The following CHST10 variants were observed in gnomAD, a reference collection of about 807,000 sequenced individuals.
CHST10 encodes carbohydrate sulfotransferase 10.
CHST10 carries 24 observed loss-of-function variants against 34.7 expected under a neutral mutation model. The ratio of observed to expected loss-of-function variants is 0.69; its 90% CI spans 0.50 to 0.97. The LOEUF (loss-of-function observed/expected upper bound fraction) is 0.97. CHST10 is among the 50% of genes least tolerant of loss of function. The probability of loss-of-function intolerance (pLI) is 0.00; values close to 1 mark genes in which losing one functional copy is unlikely to be tolerated. For missense variants in CHST10, 402 were observed against 452.1 expected, an observed-to-expected ratio of 0.89 and a Z score of 1.00; for synonymous variants, 161 against 169.3, an observed-to-expected ratio of 0.95 and a Z score of 0.38.
At chr2:100,404,462 G>A (rs1382483110) in intron 3 of CHST10, among the ~76,000 whole-genome samples, 5 of 152,144 alleles carry the variant, frequency 3.3e-5, no homozygotes, top group Admixed American at 1.3e-4. Flanking sequence ...TGTAAAATCC[G>A]AAAGCCCTTC....
At chr2:100,417,080 C>A in intron 1 of CHST10, 1 of 1,301,726 alleles carries the variant, frequency 7.7e-7, no homozygotes, top group Non-Finnish European at 1.0e-6. Context: ...TCTACAATTA[C>A]AAACGCAAAT....
intron 3 of CHST10, among the ~76,000 whole-genome samples, chr2:100,406,274 A>G (rs1675568693): frequency 6.6e-6 from 1 of 152,182 alleles, no homozygotes; most frequent in Non-Finnish European, 1.5e-5. Flanking sequence ...GCAAGGCATA[A>G]GGCCACTGTG....
chr2:100,407,858 C>T (rs946970657), intron 2 of CHST10: 1 of 152,236 alleles, frequency 6.6e-6, no homozygotes, highest in Non-Finnish European at 1.5e-5. Context: ...GTGTATAAGG[C>T]TTCGTGTGTT....
chr2:100,395,573 GCAC>G lies in CHST10; in HGVS notation c.466_468del (p.Val156del). 7 of 1,614,046 alleles carry G rather than the reference GCAC, an allele frequency of 4.3e-6. No homozygotes were observed. Among genetic ancestry groups the G allele is most frequent in the Non-Finnish European group, 5.1e-6 (6 of 1,179,936 alleles). On this transcript the variant is annotated inframe_deletion, in exon 6 of 7. Coordinates refer to ENST00000264249, the MANE Select transcript of CHST10 (RefSeq NM_004854.5). The stretch of plus-strand genomic sequence containing the variant: ...GGAAGGCCGTTCTTCTCGTGGTCGT[GCAC>G]CACGTTTTCGGGGATCTCCTCAATG...
At chr2:100,393,831 C>T in intron 6 of CHST10, 49 bp from the exon 7 acceptor site, 1 of 1,484,212 alleles carries the variant, frequency 6.7e-7, no homozygotes, top group South Asian at 1.2e-5. Context: ...CAGGAGGTCA[C>T]AGCTGAGGGG....
chr2:100,403,495 G>C (rs1299359346), intron 3 of CHST10, among the ~76,000 whole-genome samples: 1 of 152,158 alleles, frequency 6.6e-6, no homozygotes, highest in Non-Finnish European at 1.5e-5. Context: ...AACAGAAACT[G>C]TAACACTAAA....
rs35177621 is a variant in CHST10, at chr2:100,406,618, C to A, written c.58G>T (p.Val20Leu). 1.3e-3 allele frequency: 2,133 copies of A among 1,614,226 alleles called. 26 individuals are homozygous for A. In the African/African-American group the frequency reaches 0.026, roughly 19 times the overall value. ...GTCAACGTGATGAACTTGCTAGCCA[C>A]CATGAACATGAAAATCACCCAAAAG... Reference protein sequence around the residue: ...ACFWVIFMFMVASKFITLTFK... With the variant: ...ACFWVIFMFMLASKFITLTFK... The change falls in exon 3 of 7, where the codon GTG becomes TTG. Residue 20 changes from valine to leucine, a missense_variant. Val to Leu is a conservative substitution (Grantham distance 32). Coordinates refer to ENST00000264249, the MANE Select transcript of CHST10 (RefSeq NM_004854.5).
At chr2:100,406,819 T>C in intron 2 of CHST10, 112 bp from the exon 3 acceptor site, 2 of 1,350,112 alleles carry the variant, frequency 1.5e-6, no homozygotes, top group Non-Finnish European at 2.0e-6. Context: ...AATATTTCCG[T>C]TTTTTTCCAC....
At chr2:100,408,167 T>C (rs1255035955) in intron 2 of CHST10, 2 of 151,480 alleles carry the variant, frequency 1.3e-5, no homozygotes, top group African/African-American at 4.9e-5. Context: ...CATATACTTA[T>C]ACTAAAAAAA....
intron 4 of CHST10, among the ~76,000 whole-genome samples, chr2:100,401,785 T>C (rs1473195272): frequency 6.6e-6 from 1 of 152,212 alleles, no homozygotes; most frequent in Non-Finnish European, 1.5e-5. Context: ...TCTATGTTTA[T>C]TGAGTTCTAA....
chr2:100,405,014 A>G (rs1009865500), intron 3 of CHST10, among the ~76,000 whole-genome samples: 2 of 152,162 alleles, frequency 1.3e-5, no homozygotes, highest in African/African-American at 4.8e-5. Flanking sequence ...CTCAAGCAGC[A>G]GCAGGTCTGT....
In CHST10 at chr2:100,393,004, G is replaced by A; in HGVS notation, c.*241C>T. On this transcript the variant is annotated 3_prime_UTR_variant, in exon 7 of 7. Coordinates refer to ENST00000264249, the MANE Select transcript of CHST10 (RefSeq NM_004854.5). ...TTTTCTCCCCTCTGAGGTGAGCAAA[G>A]GCCAGCGACATCCTAATGCACGCAG... is the stretch of plus-strand genomic sequence containing the variant. The A allele has an allele frequency of 1.8e-6, 1 of 558,354 alleles. No homozygotes were observed. The highest frequency in any genetic ancestry group is 3.0e-5 in the East Asian group (1 of 33,040). The allele number at this position is 558,354 out of a possible 1,614,324, so 34.6% of individuals were successfully genotyped here. A position where few individuals can be genotyped will look rare whatever the true frequency, so the allele number is the denominator to read the frequency against.
At position 100,393,392 on chromosome 2, in the gene CHST10, G is replaced by A. The variant is rs1674887422; in HGVS notation, c.924C>T (p.Ile308=). ...TGTTATACACGGTAATGCCCGGAGG[G>A]ATAGTCGGGTATGACACCAGGTGGT... ...GIDHLVSYPT[I]PPGITVYNRT... The change falls in exon 7 of 7, where the codon ATC becomes ATT. Residue 308 remains isoleucine, a synonymous_variant. Coordinates refer to ENST00000264249, the MANE Select transcript of CHST10 (RefSeq NM_004854.5). 5 of 1,614,170 alleles carry A rather than the reference G, an allele frequency of 3.1e-6. No individual in the cohort carries two copies.
At position 100,405,171 on chromosome 2, in the gene CHST10, A is replaced by G. The variant is rs1025515000; in HGVS notation, c.100+1405T>C. Among the ~76,000 whole-genome samples the G allele has an allele frequency of 1.1e-4, 17 of 152,324 alleles. 1 individual carries two copies. The highest frequency in any genetic ancestry group is 2.4e-4 in the Non-Finnish European group (16 of 68,004). On this transcript the variant is annotated intron_variant, in intron 3 of 6. Transcript: ENST00000264249. ...AACTGAGATCATCGTGTCACATTCC[A>G]GCAACCCTCCAAGAATCGACCCTTG...
chr2:100,407,427 GA>G (rs1355263091), intron 2 of CHST10, among the ~76,000 whole-genome samples: 7 of 152,174 alleles, frequency 4.6e-5, no homozygotes, highest in Non-Finnish European at 8.8e-5. Flanking sequence ...GGTGACACAA[GA>G]AAGTGTGTTT....
chr2:100,413,865 C>T (rs1229244963), intron 2 of CHST10, among the ~76,000 whole-genome samples: 6 of 152,112 alleles, frequency 3.9e-5, no homozygotes, highest in Admixed American at 3.9e-4. Flanking sequence ...GTAAATAAGC[C>T]CACTTAACTC....
In CHST10 at chr2:100,392,891, T is replaced by A; in HGVS notation, c.*354A>T. 7.7e-6 allele frequency: 2 copies of A among 260,060 alleles called. No individual in the cohort carries two copies. The highest frequency in any genetic ancestry group is 1.5e-5 in the Non-Finnish European group (2 of 135,106). The allele number at this position is 260,060 out of a possible 1,614,324, so 16.1% of individuals were successfully genotyped here. On this transcript the variant is annotated 3_prime_UTR_variant, in exon 7 of 7. Coordinates refer to ENST00000264249, the MANE Select transcript of CHST10 (RefSeq NM_004854.5). ...ACTAGCCAGGAGAACCTCAGGGGCA[T>A]CCCCTTCCTTAACACCTGAAGGAAA...
intron 2 of CHST10, among the ~76,000 whole-genome samples, chr2:100,409,422 T>C (rs1357153138): frequency 1.3e-5 from 2 of 152,190 alleles, no homozygotes; most frequent in Admixed American, 6.5e-5. Context: ...AGGTGCACTC[T>C]CCTGAAGCCA....
At chr2:100,396,728 C>T (rs1202509660) in intron 5 of CHST10, among the ~76,000 whole-genome samples, 1 of 152,116 alleles carries the variant, frequency 6.6e-6, no homozygotes, top group African/African-American at 2.4e-5. Flanking sequence ...TAGTGGTTAC[C>T]GAAGATAGCC....
Sources: gnomAD v4.1 joint callset for allele counts (sites outside exome capture counted in the v4.1 genomes callset) on GRCh38, gnomAD v4.1.1 for gene constraint, MANE v1.5 for transcripts, NCBI Gene and HGNC (gene_info 2026-07-23, HGNC 2026-07-21) for gene names.